Variants in GKAP1 observed in about 807,000 individuals in gnomAD.
GKAP1 encodes G kinase anchoring protein 1, also known as G kinase-anchoring protein 1.
In GKAP1, 31 loss-of-function variants were observed where a neutral mutation model predicts 56.7. That is an observed-to-expected ratio of 0.55 (90% CI 0.41 to 0.74). The LOEUF (loss-of-function observed/expected upper bound fraction) is 0.74, where lower values mean the gene tolerates loss of function less well. Ranked by LOEUF, GKAP1 falls within the 30% of genes least tolerant of loss-of-function variation. GKAP1 has a pLI of 0.00. For missense variants in GKAP1, 364 were observed against 402.3 expected, an observed-to-expected ratio of 0.90 and a Z score of 0.82; for synonymous variants, 151 against 138.6, an observed-to-expected ratio of 1.09 and a Z score of -0.63.
At chr9:83,761,105 A>C (rs1002871225) in intron 8 of GKAP1, among the ~76,000 whole-genome samples, 2 of 151,830 alleles carry the variant, frequency 1.3e-5, no homozygotes, top group Admixed American at 1.3e-4. Flanking sequence ...TTTTTTGAAA[A>C]ATTAAACTTG....
chr9:83,793,477 G>A (rs1463332071), intron 4 of GKAP1, among the ~76,000 whole-genome samples: 1 of 152,168 alleles, frequency 6.6e-6, no homozygotes, highest in African/African-American at 2.4e-5. Flanking sequence ...CTACAAAAAT[G>A]ACATATATAA....
intron 4 of GKAP1, among the ~76,000 whole-genome samples, chr9:83,790,282 G>C (rs930886423): frequency 2.0e-5 from 3 of 152,096 alleles, no homozygotes; most frequent in Non-Finnish European, 4.4e-5. Flanking sequence ...TAACTGAAAA[G>C]AATTGAAGAA....
chr9:83,746,362 A>G (rs1317496184), intron 10 of GKAP1, among the ~76,000 whole-genome samples: 1 of 152,206 alleles, frequency 6.6e-6, no homozygotes, highest in Non-Finnish European at 1.5e-5. Flanking sequence ...AAAATGGTGT[A>G]TATTTGCATA....
chr9:83,749,750 T>C (rs1943356224), intron 9 of GKAP1, among the ~76,000 whole-genome samples: 1 of 141,218 alleles, frequency 7.1e-6, no homozygotes, highest in Non-Finnish European at 1.6e-5. Flanking sequence ...TACTAAATAG[T>C]ACTCTGTCCA....
intron 10 of GKAP1, among the ~76,000 whole-genome samples, chr9:83,746,945 G>A (rs1356547488): frequency 6.6e-6 from 1 of 152,096 alleles, no homozygotes; most frequent in Non-Finnish European, 1.5e-5. Context: ...ACCATTTTTG[G>A]TATTTTGTTT....
chr9:83,751,338 C>G (rs940994915), intron 9 of GKAP1, among the ~76,000 whole-genome samples: 4 of 152,138 alleles, frequency 2.6e-5, no homozygotes, highest in African/African-American at 9.7e-5. Context: ...TTGATAGCAG[C>G]AACTCATTCA....
intron 10 of GKAP1, among the ~76,000 whole-genome samples, chr9:83,745,330 C>T (rs1046331379): frequency 7.9e-5 from 12 of 152,176 alleles, no homozygotes; most frequent in African/African-American, 2.9e-4. Context: ...CTGTGCCTGG[C>T]CATCTTGTGT....
In GKAP1 at chr9:83,799,237, T is replaced by G. The variant is rs150602176; in HGVS notation, c.308A>C (p.Gln103Pro). 1 of 1,612,794 alleles carries G rather than the reference T, an allele frequency of 6.2e-7. No individual in the cohort carries two copies. The highest frequency in any genetic ancestry group is 8.5e-7 in the Non-Finnish European group (1 of 1,179,498). Residue 103 changes from glutamine (Q) to proline (P), a missense_variant, in exon 4 of 13, where the codon CAG (glutamine) becomes CCG (proline). By Grantham distance (76) the Gln-to-Pro change is moderately conservative. Transcript: ENST00000376371. ...QHDLPLSNPV[Q>P]KDSREENWQE... is the part of the protein sequence containing the mutation. ...CCAATTTTCTTCTCGTGAATCCTTC[T>G]GTACTGGGTTTGACAATGGAAGATC...
chr9:83,780,554 A>C, intron 6 of GKAP1, 150 bp from the exon 7 acceptor site: 19 of 496,056 alleles, frequency 3.8e-5, no homozygotes, highest in East Asian at 1.4e-4. Flanking sequence ...TAGGATTCTC[A>C]TCTGATTTAC....
intron 4 of GKAP1, 23 bp downstream of exon 4, chr9:83,799,162 C>T (rs773098104): frequency 1.9e-6 from 3 of 1,606,328 alleles, no homozygotes; most frequent in Admixed American, 1.7e-5. Context: ...AAAAACAAAG[C>T]AATTTTATTT....
chr9:83,749,624 A>G (rs1435365440), intron 9 of GKAP1, among the ~76,000 whole-genome samples: 2 of 152,234 alleles, frequency 1.3e-5, no homozygotes, highest in African/African-American at 4.8e-5. Context: ...AAACATTAAT[A>G]TAAGAAAAAT....
At chr9:83,783,493 T>C (rs961164490) in intron 6 of GKAP1, among the ~76,000 whole-genome samples, 8 of 152,250 alleles carry the variant, frequency 5.3e-5, no homozygotes, top group Admixed American at 4.6e-4. Context: ...AGGCTAAGTA[T>C]TTTTAACATT....
intron 12 of GKAP1, 56 bp from the exon 13 acceptor site, chr9:83,739,800 A>C (rs1301410740): frequency 7.1e-7 from 1 of 1,417,986 alleles, no homozygotes; most frequent in Non-Finnish European, 9.8e-7. Flanking sequence ...TTTTGGGACC[A>C]CTTCATTTAA....
At chr9:83,767,528 T>C (rs903309559) in intron 8 of GKAP1, among the ~76,000 whole-genome samples, 4 of 151,966 alleles carry the variant, frequency 2.6e-5, no homozygotes, top group Non-Finnish European at 5.9e-5. Context: ...TCAGTTATTT[T>C]TGTTTTTATT....
chr9:83,768,796 G>C (rs763411932), intron 8 of GKAP1, 22 bp downstream of exon 8: 19 of 1,590,324 alleles, frequency 1.2e-5, no homozygotes, highest in Non-Finnish European at 1.1e-5. Context: ...GTGATTTTAA[G>C]AGAATTTTCT....
chr9:83,746,517 A>G (rs907250586), intron 10 of GKAP1, among the ~76,000 whole-genome samples: 24 of 152,108 alleles, frequency 1.6e-4, no homozygotes, highest in African/African-American at 5.6e-4. Context: ...CCTGGCCAAC[A>G]TGGTGAAACC....
At chr9:83,776,769 T>A (rs1434447468) in intron 7 of GKAP1, among the ~76,000 whole-genome samples, 1 of 152,242 alleles carries the variant, frequency 6.6e-6, no homozygotes, top group Non-Finnish European at 1.5e-5. Context: ...TTTTTTAGCG[T>A]ATTTTTCTTT....
intron 2 of GKAP1, 144 bp from the exon 3 acceptor site, chr9:83,806,704 A>G (rs1944444522): frequency 1.8e-6 from 1 of 558,082 alleles, no homozygotes; most frequent in East Asian, 2.9e-5. Flanking sequence ...CAGCACTATT[A>G]GCAATAACAT....
intron 8 of GKAP1, among the ~76,000 whole-genome samples, chr9:83,762,172 A>G (rs1238199910): frequency 6.6e-6 from 1 of 152,190 alleles, no homozygotes; most frequent in African/African-American, 2.4e-5. Flanking sequence ...GCTCCACAAA[A>G]AAACTATTAG....
Sources: allele counts gnomAD v4.1 joint callset (sites outside exome capture counted in the v4.1 genomes callset), GRCh38; gene constraint gnomAD v4.1.1; transcripts MANE v1.5; gene names NCBI Gene and HGNC (gene_info 2026-07-23, HGNC 2026-07-21).